Variants in IQCM observed in about 807,000 individuals in gnomAD.
IQCM encodes IQ domain-containing protein M.
A neutral mutation model predicts 57.6 loss-of-function variants in IQCM; 45 were observed. That is an observed-to-expected ratio of 0.78 (90% CI 0.62 to 1.00). The LOEUF (loss-of-function observed/expected upper bound fraction) is 1.00. Among genes scored for constraint, IQCM ranks in the 50% least tolerant of loss-of-function variants. The pLI is 0.00. For missense variants in IQCM, 468 were observed against 511.6 expected (o/e 0.91, Z 0.82); for synonymous variants, 148 against 158.9 (o/e 0.93, Z 0.51).
At chr4:149,697,734 T>C (rs1203646252) in intron 5 of IQCM, among the ~76,000 whole-genome samples, 1 of 152,162 alleles carries the variant, frequency 6.6e-6, no homozygotes, top group Admixed American at 6.6e-5. Flanking sequence ...TGTCATTATC[T>C]TATTTGTTTG....
At chr4:149,423,613 C>G (rs1455336349) in intron 13 of IQCM, among the ~76,000 whole-genome samples, 2 of 152,004 alleles carry the variant, frequency 1.3e-5, no homozygotes, top group Admixed American at 6.6e-5. Flanking sequence ...CATTGCTTAG[C>G]AGAACAACGG....
chr4:149,659,148 T>C (rs948046284), intron 7 of IQCM, among the ~76,000 whole-genome samples: 10 of 144,282 alleles, frequency 6.9e-5, no homozygotes, highest in Non-Finnish European at 1.4e-4. Flanking sequence ...CCTGGATTCA[T>C]TAACTTTTTG....
At chr4:149,725,277 T>C (rs1253789834) in intron 5 of IQCM, among the ~76,000 whole-genome samples, 3 of 152,258 alleles carry the variant, frequency 2.0e-5, no homozygotes, top group Non-Finnish European at 4.4e-5. Context: ...AAACACGCAG[T>C]ACACACTTTT....
chr4:149,662,079 G>A (rs1388113139), intron 7 of IQCM, among the ~76,000 whole-genome samples: 1 of 151,864 alleles, frequency 6.6e-6, no homozygotes, highest in Non-Finnish European at 1.5e-5. Flanking sequence ...GGCATTTATT[G>A]CTATAAATAA....
intron 10 of IQCM, among the ~76,000 whole-genome samples, chr4:149,559,446 C>T (rs1347203734): frequency 6.6e-6 from 1 of 152,150 alleles, no homozygotes; most frequent in African/African-American, 2.4e-5. Context: ...TTGATATTGT[C>T]TTTCCTGTGC....
At chr4:149,443,606 A>C (rs1290296372) in intron 12 of IQCM, among the ~76,000 whole-genome samples, 2 of 151,684 alleles carry the variant, frequency 1.3e-5, no homozygotes, top group Non-Finnish European at 2.9e-5. Flanking sequence ...GTCTTGTTAA[A>C]ATAGAGCGCA....
At chr4:149,480,115 T>C (rs1226884580) in intron 12 of IQCM, among the ~76,000 whole-genome samples, 1 of 152,198 alleles carries the variant, frequency 6.6e-6, no homozygotes, top group Non-Finnish European at 1.5e-5. Flanking sequence ...TAATATGCCA[T>C]GGGTAGATCC....
chr4:149,411,722 AC>A (rs1733392890), intron 13 of IQCM, among the ~76,000 whole-genome samples: 2 of 152,284 alleles, frequency 1.3e-5, no homozygotes, highest in East Asian at 3.9e-4. Flanking sequence ...AAAATGACTG[AC>A]AATTATTAGG....
rs1431238028 is a variant in IQCM, at chr4:149,685,976, A to G, written c.476+402T>C. Among the ~76,000 whole-genome samples, 6 of 151,610 alleles carry G rather than the reference A, an allele frequency of 4.0e-5. No individual in the cohort carries two copies. The East Asian group carries it at 1.2e-3, about 29-fold the overall frequency. The stretch of plus-strand genomic sequence containing the variant: ...AGAACCAGTGTCACCTTCTGTTAGA[A>G]AGACTAACCTTTAATTATTAGATTT... On this transcript the variant is annotated intron_variant, in intron 6 of 13. Transcript: ENST00000636793.
chr4:149,651,985 T>C (rs1370864805), intron 7 of IQCM, among the ~76,000 whole-genome samples: 3 of 152,182 alleles, frequency 2.0e-5, no homozygotes, highest in Non-Finnish European at 2.9e-5. Flanking sequence ...CATTCTACTG[T>C]AAAGACACAT....
At chr4:149,377,204 A>G (rs766754218) in intron 13 of IQCM, among the ~76,000 whole-genome samples, 7 of 152,228 alleles carry the variant, frequency 4.6e-5, no homozygotes, top group Non-Finnish European at 1.0e-4. Context: ...GATTGAATCA[A>G]TTAACATTCT....
chr4:149,648,435 C>T (rs970017090), intron 7 of IQCM, among the ~76,000 whole-genome samples: 16 of 152,124 alleles, frequency 1.1e-4, no homozygotes, highest in African/African-American at 3.1e-4. Flanking sequence ...TTTCTTAATC[C>T]AGTCTATCGT....
chr4:149,617,596 G>A (rs1002177155), intron 8 of IQCM, among the ~76,000 whole-genome samples: 2 of 151,970 alleles, frequency 1.3e-5, no homozygotes, highest in East Asian at 3.9e-4. Context: ...CAAACTTTCA[G>A]TTTATAAACA....
intron 2 of IQCM, among the ~76,000 whole-genome samples, chr4:149,743,447 GATATATACT>G (rs1767645018): frequency 6.6e-6 from 1 of 151,816 alleles, no homozygotes; most frequent in Non-Finnish European, 1.5e-5. Flanking sequence ...CAGAGTGATC[GATATATACT>G]ATATATCTAT....
intron 2 of IQCM, among the ~76,000 whole-genome samples, chr4:149,767,975 C>T (rs1337108269): frequency 1.3e-5 from 2 of 151,998 alleles, no homozygotes; most frequent in African/African-American, 2.4e-5. Flanking sequence ...TTTTAACTTA[C>T]ATAGCTGGCC....
chr4:149,560,698 C>A (rs114169882), intron 10 of IQCM, among the ~76,000 whole-genome samples: 73 of 152,250 alleles, frequency 4.8e-4, no homozygotes, highest in African/African-American at 1.6e-3. Flanking sequence ...TTTGATGCTG[C>A]TTCACTATTT....
At chr4:149,384,748 CTT>C (rs200017968) in intron 13 of IQCM, among the ~76,000 whole-genome samples, 61 of 144,804 alleles carry the variant, frequency 4.2e-4, no homozygotes, top group African/African-American at 1.4e-3. Flanking sequence ...TCCTGTTAAT[CTT>C]TTTTTTTTTT....
At chr4:149,429,902 T>C (rs1349557912) in intron 13 of IQCM, 4 of 925,600 alleles carry the variant, frequency 4.3e-6, no homozygotes, top group Non-Finnish European at 5.6e-6. Context: ...AGACAGAGTT[T>C]GAAAATAACA....
intron 2 of IQCM, among the ~76,000 whole-genome samples, chr4:149,807,856 AGATG>A (rs2150061818): frequency 6.8e-6 from 1 of 148,144 alleles, no homozygotes; most frequent in African/African-American, 2.7e-5. Context: ...ATCACCAGGA[AGATG>A]CATGTCAAAA....
Sources: gnomAD v4.1 joint callset for allele counts (sites outside exome capture counted in the v4.1 genomes callset) on GRCh38, gnomAD v4.1.1 for gene constraint, MANE v1.5 for transcripts, NCBI Gene and HGNC (gene_info 2026-07-23, HGNC 2026-07-21) for gene names.